Variants in MUC5B observed in about 807,000 individuals in gnomAD.
The protein encoded by MUC5B is mucin-5B.
Under a neutral mutation model 376.9 loss-of-function variants are expected in MUC5B, and 116 were observed. The observed-to-expected ratio is 0.31, with a 90% confidence interval of 0.26 to 0.36. MUC5B has a LOEUF of 0.36. Ranked by LOEUF, MUC5B falls within the 10% of genes least tolerant of loss-of-function variation. The pLI, the probability that MUC5B is intolerant of heterozygous loss-of-function variation, is 1.00. For synonymous variants in MUC5B, 3,517 were observed against 3,390.9 expected, an observed-to-expected ratio of 1.04 and a Z score of -1.29; for missense variants, 7,165 against 7,769.9, an observed-to-expected ratio of 0.92 and a Z score of 2.93.
At chr11:1,254,607 A>G (rs1342801226) in intron 34 of MUC5B, 87 bp from the exon 35 acceptor site, 3 of 1,375,188 alleles carry the variant, frequency 2.2e-6, no homozygotes, top group East Asian at 2.4e-5. Flanking sequence ...GTCTCTGCAC[A>G]TGGAGGCAGA....
chr11:1,239,369 G>A, intron 26 of MUC5B, 69 bp from the exon 27 acceptor site: 4 of 1,530,760 alleles, frequency 2.6e-6, no homozygotes, highest in Non-Finnish European at 3.5e-6. Flanking sequence ...GCCCGGGGTA[G>A]GGGCTGCCCT....
intron 2 of MUC5B, 62 bp from the exon 3 acceptor site, chr11:1,226,143 G>A: frequency 6.7e-7 from 1 of 1,483,848 alleles, no homozygotes; most frequent in Non-Finnish European, 9.1e-7. Flanking sequence ...TGGGCCCCGG[G>A]GAGGGTGTCT....
At position 1,242,281 on chromosome 11, in the gene MUC5B, T is replaced by G. The variant is rs763808286; in HGVS notation, c.5401T>G (p.Ser1801Ala). ...GTGGTTTGACGTGGACTTCCCAACC[T>G]CAGGGGTTGCAGGCGGGGACATGGA... ...TEWFDVDFPTSGVAGGDMETF... is the reference protein window; with the variant it reads ...TEWFDVDFPTAGVAGGDMETF... Residue 1801 changes from serine to alanine, a missense_variant, in exon 31 of 49, where the codon TCA (serine) becomes GCA (alanine). Ser to Ala is a moderately conservative substitution (Grantham distance 99, BLOSUM62 1). Transcript: ENST00000529681. 1.9e-6 allele frequency: 3 copies of G among 1,613,694 alleles called. No individual in the cohort carries two copies.
At position 1,241,928 on chromosome 11, in the gene MUC5B, C is replaced by G. The variant is rs761593218; in HGVS notation, c.5048C>G (p.Pro1683Arg). 1 of 1,608,824 alleles carries G rather than the reference C, an allele frequency of 6.2e-7. No individual in the cohort carries two copies. Among genetic ancestry groups the G allele is most frequent in the African/African-American group, 1.3e-5 (1 of 74,768 alleles). Residue 1683 changes from proline to arginine, a missense_variant, in exon 31 of 49, where the codon CCC becomes CGC. This residue lies in a region of MUC5B where 897 missense variants were observed against 779.6 expected (regional missense o/e 1.15). Coordinates refer to ENST00000529681, the MANE Select transcript of MUC5B (RefSeq NM_002458.3). ...GPTTPAGSTE[P>R]TVPGVATSTL... ...ACGACGCCTGCAGGCTCCACAGAAC[C>G]CACTGTCCCAGGGGTGGCCACATCC...
rs555888847 is a variant in MUC5B at position 1,236,524 on chromosome 11, A to C, written c.3019A>C (p.Lys1007Gln). 6.2e-7 allele frequency: 1 copy of C among 1,612,990 alleles called. No individual in the cohort carries two copies. The highest frequency in any genetic ancestry group is 1.1e-5 in the South Asian group (1 of 91,086). Residue 1007 changes from lysine (K) to glutamine (Q), a missense_variant, in exon 24 of 49, where the codon AAG becomes CAG. Transcript: ENST00000529681. ...THGMAVSWDR[K>Q]TSVFIRLHQD... ...CGGGATGGCCGTGTCCTGGGACCGGAAGACCAGCGTGTTCATCCGACTGCA... is the reference window on the plus strand; with the variant it reads ...CGGGATGGCCGTGTCCTGGGACCGGCAGACCAGCGTGTTCATCCGACTGCA...
intron 26 of MUC5B, 78 bp downstream of exon 26, chr11:1,239,105 G>C: frequency 6.6e-7 from 1 of 1,506,556 alleles, no homozygotes; most frequent in Middle Eastern, 1.7e-4. Context: ...CTCCGAAGGT[G>C]CATTGACCTG....
chr11:1,226,822 C>T lies in MUC5B; in HGVS notation c.407C>T (p.Ala136Val), dbSNP rs750224820. 5.0e-6 allele frequency: 8 copies of T among 1,610,854 alleles called. No homozygotes were observed. Among genetic ancestry groups the T allele is most frequent in the African/African-American group, 2.7e-5 (2 of 74,938 alleles). Residue 136 changes from alanine to valine, a missense_variant, in exon 4 of 49, where the codon GCC (alanine) becomes GTC (valine). Ala to Val is a moderately conservative substitution (Grantham distance 64). Transcript: ENST00000529681. ...RPVVTRVVIKAQGLVLEASNG... is the reference protein window; with the variant it reads ...RPVVTRVVIKVQGLVLEASNG... The stretch of plus-strand genomic sequence containing the variant: ...GTGGTCACCCGTGTTGTCATCAAGG[C>T]CCAGGGGCTGGTGCTGGAGGCGTCC...
At chr11:1,239,064 G>A (rs994351908) in intron 26 of MUC5B, 37 bp downstream of exon 26, 3 of 1,558,922 alleles carry the variant, frequency 1.9e-6, no homozygotes, top group African/African-American at 1.4e-5. Context: ...GAAGGGTGGA[G>A]CTGCTGGGGC....
Position 1,257,405 on chromosome 11 carries a change from C to G in MUC5B, c.16270-125C>G. The G allele has an allele frequency of 6.0e-6, 7 of 1,169,416 alleles. No individual in the cohort carries two copies. The highest frequency in any genetic ancestry group is 8.7e-6 in the Non-Finnish European group (7 of 801,704). The allele number at this position is 1,169,416 out of a possible 1,614,324, so 72.4% of individuals were successfully genotyped here. A position where few individuals can be genotyped will look rare whatever the true frequency, so the allele number is the denominator to read the frequency against. ...CGTGGACGTGCCAGTGGCTGGTGTG[C>G]GCTTCCTGCCCCATCACTCTGGGCC... is the stretch of plus-strand genomic sequence containing the variant. On this transcript the variant is annotated intron_variant, in intron 40 of 48. Coordinates refer to ENST00000529681, the MANE Select transcript of MUC5B (RefSeq NM_002458.3). The surrounding 1 kb of genome is among the most constrained non-coding windows in gnomAD (Gnocchi z 8.9).
At chr11:1,226,442 A>G in intron 3 of MUC5B, 166 bp downstream of exon 3, 2 of 1,270,668 alleles carry the variant, frequency 1.6e-6, no homozygotes, top group Non-Finnish European at 1.1e-6. Context: ...GGGGATGGGG[A>G]CGGGTCAGGG....
In MUC5B at chr11:1,232,474, C is replaced by T. The variant is rs753649259; in HGVS notation, c.1868C>T (p.Ser623Leu). 24 of 1,609,224 alleles carry T rather than the reference C, an allele frequency of 1.5e-5. No homozygotes were observed. Among genetic ancestry groups the T allele is most frequent in the East Asian group, 9.0e-5 (4 of 44,602 alleles). Residue 623 changes from serine to leucine, a missense_variant, in exon 16 of 49, where the codon TCG becomes TTG. Coordinates refer to ENST00000529681, the MANE Select transcript of MUC5B (RefSeq NM_002458.3). ...GAGAACTACGCCCGGCACTGGTGCT[C>T]GCGCCTGACCGATCCCAACAGTGCC... ...ENENYARHWC[S>L]RLTDPNSAFS... is the part of the protein sequence containing the mutation.
chr11:1,254,838 C>A lies in MUC5B; in HGVS notation c.15622C>A (p.Leu5208Met). The change falls in exon 35 of 49, where the codon CTG (leucine) becomes ATG (methionine). Residue 5208 changes from leucine to methionine, a missense_variant. Transcript: ENST00000529681. Reference sequence around the variant, plus strand: ...CAATGGCCAAGTCTTCCAGGCCCGGCTGCCCTACAGCCTCTTCCACAACAA... The same window carrying A: ...CAATGGCCAAGTCTTCCAGGCCCGGATGCCCTACAGCCTCTTCCACAACAA... ...TFNGQVFQAR[L>M]PYSLFHNNTE... 6.2e-7 allele frequency: 1 copy of A among 1,612,382 alleles called. No homozygotes were observed. Among genetic ancestry groups the A allele is most frequent in the Non-Finnish European group, 8.5e-7 (1 of 1,179,780 alleles).
In MUC5B at chr11:1,242,047, G is replaced by A; in HGVS notation, c.5167G>A (p.Ala1723Thr). The stretch of plus-strand genomic sequence containing the variant: ...ACCCACGCTGGCCCCAACAACAATG[G>A]CAACCTCCAGAGCTCGCCCGACAGG... ...QPPTLAPTTM[A>T]TSRARPTGTA... Residue 1723 changes from alanine (A) to threonine (T), a missense_variant, in exon 31 of 49, where the codon GCA (alanine) becomes ACA (threonine). Ala to Thr is a moderately conservative substitution (Grantham distance 58). Coordinates refer to ENST00000529681, the MANE Select transcript of MUC5B (RefSeq NM_002458.3). The A allele has an allele frequency of 6.3e-7, 1 of 1,593,778 alleles. No homozygotes were observed. The highest frequency in any genetic ancestry group is 8.5e-7 in the Non-Finnish European group (1 of 1,170,924).
In MUC5B at chr11:1,258,311, T is replaced by C. The variant is rs1333982545; in HGVS notation, c.16556-19T>C. 6.2e-7 allele frequency: 1 copy of C among 1,611,550 alleles called. No homozygotes were observed. The highest frequency in any genetic ancestry group is 2.2e-5 in the East Asian group (1 of 44,842). ...TGCTCCCCACCACTTGTCGAGGGCT[T>C]AGCTCCCTTTCCTTCCAGGACCTCA... On this transcript the variant is annotated intron_variant, in intron 42 of 48. Transcript: ENST00000529681. This position sits in a 1 kb window ranked among gnomAD's most constrained non-coding sequence, Gnocchi z 5.5.
At chr11:1,225,495 G>A (rs1360148510) in intron 1 of MUC5B, among the ~76,000 whole-genome samples, 186 bp from the exon 2 acceptor site, 1 of 152,254 alleles carries the variant, frequency 6.6e-6, no homozygotes, top group Non-Finnish European at 1.5e-5. Flanking sequence ...GGTGGCCTGA[G>A]CGGCTGGGGA....
chr11:1,251,253 A>C lies in MUC5B; in HGVS notation c.14373A>C (p.Thr4791=). 1.9e-6 allele frequency: 3 copies of C among 1,611,324 alleles called. No individual in the cohort carries two copies. The highest frequency in any genetic ancestry group is 1.7e-6 in the Non-Finnish European group (2 of 1,178,276). ...SSTPETTHTS[T]VLTTTATMTR... is the part of the protein sequence containing the mutation. The stretch of plus-strand genomic sequence containing the variant: ...CTCCAGAGACCACCCACACCTCCAC[A>C]GTGCTGACCACCACAGCCACCATGA... Residue 4791 remains threonine (T), a synonymous_variant, in exon 31 of 49, where the codon ACA becomes ACC. Coordinates refer to ENST00000529681, the MANE Select transcript of MUC5B (RefSeq NM_002458.3).
chr11:1,228,439 C>T (rs1233077464), intron 7 of MUC5B, 125 bp from the exon 8 acceptor site: 1 of 898,712 alleles, frequency 1.1e-6, no homozygotes, highest in Non-Finnish European at 1.6e-6. Context: ...AGGGGTGGGG[C>T]TGGGTACAAG....
Position 1,229,811 on chromosome 11 carries a change from C to G in MUC5B, c.1220+4C>G. ...TCAACACCACCTGCAGCTCCTGGTA[C>G]TTATGAGCCCACCAGCCTCCGCCTG... On this transcript the variant is annotated splice_donor_region_variant and intron_variant, in intron 10 of 48. Coordinates refer to ENST00000529681, the MANE Select transcript of MUC5B (RefSeq NM_002458.3). 3 of 1,591,858 alleles carry G rather than the reference C, an allele frequency of 1.9e-6. No individual in the cohort carries two copies. The highest frequency in any genetic ancestry group is 2.6e-6 in the Non-Finnish European group (3 of 1,170,692).
chr11:1,234,814 C>A lies in MUC5B; in HGVS notation c.2630+134C>A. 8.8e-7 allele frequency: 1 copy of A among 1,138,342 alleles called. No homozygotes were observed. Among genetic ancestry groups the A allele is most frequent in the Non-Finnish European group, 1.2e-6 (1 of 826,548 alleles). The allele number at this position is 1,138,342 out of a possible 1,614,324, so 70.5% of individuals were successfully genotyped here. On this transcript the variant is annotated intron_variant, in intron 21 of 48. Transcript: ENST00000529681. The surrounding 1 kb of genome is among the most constrained non-coding windows in gnomAD (Gnocchi z 6.3). ...CCAGCTGGCCAGGGTGAGGTGGGGC[C>A]GTGGCAGGAGAGAGAGTTGCTAGGA...
Sources: gnomAD v4.1 joint callset for allele counts (sites outside exome capture counted in the v4.1 genomes callset) on GRCh38, gnomAD v4.1.1 for gene constraint, gnomAD v4.1.1 regional missense constraint, Gnocchi (gnomAD v3.1) non-coding constraint, MANE v1.5 for transcripts, NCBI Gene and HGNC (gene_info 2026-07-23, HGNC 2026-07-21) for gene names.